Variants in DPH7 observed in about 807,000 individuals in gnomAD.
DPH7 encodes the protein diphthine methyltransferase.
Under a neutral mutation model 41.7 loss-of-function variants are expected in DPH7, and 44 were observed. The observed-to-expected ratio is 1.05, with a 90% CI of 0.83 to 1.36. The LOEUF is 1.36. Ranked by LOEUF, DPH7 falls within the 40% of genes most tolerant of loss-of-function variation. The pLI is 0.00. For synonymous variants in DPH7, 275 were observed against 238.0 expected, an observed-to-expected ratio of 1.16 and a Z score of -1.43; for missense variants, 629 against 577.5, an observed-to-expected ratio of 1.09 and a Z score of -0.91.
chr9:137,560,446 C>T (rs189573949), intron 8 of DPH7, among the ~76,000 whole-genome samples: 5 of 152,204 alleles, frequency 3.3e-5, no homozygotes, highest in South Asian at 2.1e-4. Context: ...GATGGCCAGG[C>T]GTGGTGGCTC....
chr9:137,575,262 G>T, intron 3 of DPH7: 1 of 995,714 alleles, frequency 1.0e-6, no homozygotes, highest in Non-Finnish European at 1.2e-6. Flanking sequence ...AAACTCCTCT[G>T]GTTTCCACTT....
In DPH7 at chr9:137,574,190, C is replaced by G. The variant is rs1313654723; in HGVS notation, c.640+18G>C. The G allele has an allele frequency of 1.2e-6, 2 of 1,610,218 alleles. No individual in the cohort carries two copies. Among genetic ancestry groups the G allele is most frequent in the African/African-American group, 1.3e-5 (1 of 74,890 alleles). On this transcript the variant is annotated intron_variant, in intron 5 of 8. Coordinates refer to ENST00000277540, the MANE Select transcript of DPH7 (RefSeq NM_138778.5). Reference sequence around the variant, plus strand: ...CAGCAAGCCTTCCATCAGAGGTGACCGGTGGAGGAATACTGACCTGAATAC... The same window carrying G: ...CAGCAAGCCTTCCATCAGAGGTGACGGGTGGAGGAATACTGACCTGAATAC...
chr9:137,574,433 C>G (rs1028316124), intron 4 of DPH7, 53 bp from the exon 5 acceptor site: 20 of 1,586,806 alleles, frequency 1.3e-5, no homozygotes, highest in Non-Finnish European at 1.5e-5. Flanking sequence ...TCGTCAGCCT[C>G]TTCTGGTTCC....
intron 1 of DPH7, chr9:137,578,167 G>A (rs565034972): frequency 5.9e-6 from 1 of 168,496 alleles, no homozygotes; most frequent in Non-Finnish European, 1.2e-5. Flanking sequence ...TCAGAAAAAA[G>A]TAATTTCTTT....
At position 137,556,483 on chromosome 9, in the gene DPH7, G is replaced by A. The variant is rs1837523746; in HGVS notation, c.950-835C>T. The A allele has an allele frequency of 4.9e-6, 1 of 203,852 alleles. No homozygotes were observed. The highest frequency in any genetic ancestry group is 1.0e-5 in the Non-Finnish European group (1 of 98,302). 12.6% of individuals were successfully genotyped at this position (203,852 alleles called of 1,614,324 possible). ...GACCGGAATCAGAACCAGAATGAGT[G>A]CTGATGGAAGAAGGGCTGAGGGCAG... is the stretch of plus-strand genomic sequence containing the variant. On this transcript the variant is annotated intron_variant, in intron 8 of 8. Coordinates refer to ENST00000277540, the MANE Select transcript of DPH7 (RefSeq NM_138778.5). This position sits in a 1 kb window ranked among gnomAD's most constrained non-coding sequence, Gnocchi z 5.2.
At chr9:137,570,493 C>CA (rs1465346412) in intron 5 of DPH7, among the ~76,000 whole-genome samples, 1 of 152,242 alleles carries the variant, frequency 6.6e-6, no homozygotes, top group Non-Finnish European at 1.5e-5. Flanking sequence ...TGCCCAATGT[C>CA]AAGTCTCCAG....
chr9:137,575,012 G>A (rs975344981), intron 3 of DPH7, 169 bp from the exon 4 acceptor site: 1 of 1,414,956 alleles, frequency 7.1e-7, no homozygotes, highest in African/African-American at 1.5e-5. Flanking sequence ...CCCTGCTAGG[G>A]GCCCCGAGAA....
rs749158800 is a variant in DPH7 at position 137,555,499 on chromosome 9, G to A, written c.1099C>T (p.Leu367=). The stretch of plus-strand genomic sequence containing the variant: ...GTTGGCAACTCGCTTGCACCCTTCA[G>A]GTCTGCCGTCTTGGTTCCTAGGTTG... ...PSNLGTKTAD[L]KGASELPTPC... is the part of the protein sequence containing the mutation. Residue 367 remains leucine, a synonymous_variant, in exon 9 of 9, where the codon CTG becomes TTG. Coordinates refer to ENST00000277540, the MANE Select transcript of DPH7 (RefSeq NM_138778.5). 1 of 1,613,978 alleles carries A rather than the reference G, an allele frequency of 6.2e-7. No homozygotes were observed. Among genetic ancestry groups the A allele is most frequent in the Non-Finnish European group, 8.5e-7 (1 of 1,180,006 alleles).
chr9:137,574,554 C>T (rs1373516037), intron 4 of DPH7, 174 bp from the exon 5 acceptor site: 12 of 839,062 alleles, frequency 1.4e-5, no homozygotes, highest in Admixed American at 2.7e-5. Flanking sequence ...ACACCAGTGT[C>T]GACTTCTCTA....
At chr9:137,555,679 CACA>C (rs1176448750) in intron 8 of DPH7, 31 bp from the exon 9 acceptor site, 2 of 1,552,522 alleles carry the variant, frequency 1.3e-6, no homozygotes, top group Non-Finnish European at 1.7e-6. Flanking sequence ...ACCCAGGAAA[CACA>C]ACATCACCCA....
rs1454814834 is a variant in DPH7, at chr9:137,554,690, T to C, written c.*549A>G. On this transcript the variant is annotated 3_prime_UTR_variant, in exon 9 of 9. Coordinates refer to ENST00000277540, the MANE Select transcript of DPH7 (RefSeq NM_138778.5). ...CCAGGCCTCAAGCAATCCTCCTGCC[T>C]CAGCCCCTTCCAAAGTGCTGGGATT... 6.6e-6 allele frequency among the ~76,000 whole-genome samples: 1 copy of C among 152,172 alleles called. No homozygotes were observed. The highest frequency in any genetic ancestry group is 1.5e-5 in the Non-Finnish European group (1 of 68,036).
In DPH7 at chr9:137,556,843, T is replaced by C. The variant is rs1374209385; in HGVS notation, c.950-1195A>G. ...TAGGAAAAGGTAATAAGGCAGAGTC[T>C]AAGCCCTCAGAGAGCCACAGCCTGG... On this transcript the variant is annotated intron_variant, in intron 8 of 8. Coordinates refer to ENST00000277540, the MANE Select transcript of DPH7 (RefSeq NM_138778.5). This position sits in a 1 kb window ranked among gnomAD's most constrained non-coding sequence, Gnocchi z 5.2. The C allele has an allele frequency of 2.2e-6, 1 of 456,656 alleles. No individual in the cohort carries two copies. The highest frequency in any genetic ancestry group is 1.5e-5 in the South Asian group (1 of 64,562). The allele number at this position is 456,656 out of a possible 1,614,324, so 28.3% of individuals were successfully genotyped here. A position where few individuals can be genotyped will look rare whatever the true frequency, so the allele number is the denominator to read the frequency against.
intron 8 of DPH7, among the ~76,000 whole-genome samples, chr9:137,558,061 G>A (rs759038006): frequency 3.7e-4 from 56 of 152,006 alleles, no homozygotes; most frequent in Admixed American, 7.2e-4. Context: ...GCTTGAACCC[G>A]GAAGGTGGGA....
At chr9:137,563,699 G>A (rs534125491) in intron 8 of DPH7, among the ~76,000 whole-genome samples, 2 of 152,168 alleles carry the variant, frequency 1.3e-5, no homozygotes, top group Non-Finnish European at 2.9e-5. Flanking sequence ...GGGCTTAATG[G>A]TGGGAAGATG....
chr9:137,575,404 C>T, intron 3 of DPH7: 1 of 988,442 alleles, frequency 1.0e-6, no homozygotes, highest in Non-Finnish European at 1.2e-6. Flanking sequence ...AAAGCCCTTT[C>T]CTGGGTTCAT....
At chr9:137,573,793 C>T (rs554024044) in intron 5 of DPH7, among the ~76,000 whole-genome samples, 46 of 145,342 alleles carry the variant, frequency 3.2e-4, no homozygotes, top group Non-Finnish European at 5.9e-4. Flanking sequence ...AGTGGCCAGG[C>T]GCAGTGGCTC....
chr9:137,568,726 G>C (rs933110897), intron 5 of DPH7, among the ~76,000 whole-genome samples: 9 of 152,146 alleles, frequency 5.9e-5, no homozygotes, highest in African/African-American at 1.9e-4. Context: ...GGGGAAAGAC[G>C]GACGGGAACA....
chr9:137,578,807 C>T lies in DPH7; in HGVS notation c.-30G>A. The T allele has an allele frequency of 2.1e-6, 3 of 1,418,956 alleles. No homozygotes were observed. The highest frequency in any genetic ancestry group is 1.8e-6 in the Non-Finnish European group (2 of 1,082,242). 87.9% of individuals were successfully genotyped at this position (1,418,956 alleles called of 1,614,324 possible). A position where few individuals can be genotyped will look rare whatever the true frequency, so the allele number is the denominator to read the frequency against. On this transcript the variant is annotated 5_prime_UTR_variant, in exon 1 of 9. Coordinates refer to ENST00000277540, the MANE Select transcript of DPH7 (RefSeq NM_138778.5). ...CCCTCGGGGAAGGGCGCGGAGCCGG[C>T]AGTAGAGGCGGGTCGGCGGGGCCGG...
chr9:137,555,662 T>C lies in DPH7; in HGVS notation c.950-14A>G. Reference sequence around the variant, plus strand: ...CCTGCCTCTCCTCTGGAGTGAGAGATGGGAGAACCCAGGAAACACAACATC... The same window carrying C: ...CCTGCCTCTCCTCTGGAGTGAGAGACGGGAGAACCCAGGAAACACAACATC... On this transcript the variant is annotated splice_polypyrimidine_tract_variant and intron_variant, in intron 8 of 8. Transcript: ENST00000277540. 6.4e-7 allele frequency: 1 copy of C among 1,569,272 alleles called. No individual in the cohort carries two copies. Among genetic ancestry groups the C allele is most frequent in the South Asian group, 1.2e-5 (1 of 85,280 alleles).
Sources: allele counts gnomAD v4.1 joint callset (sites outside exome capture counted in the v4.1 genomes callset), GRCh38; gene constraint gnomAD v4.1.1; non-coding constraint Gnocchi (gnomAD v3.1); transcripts MANE v1.5; gene names NCBI Gene and HGNC (gene_info 2026-07-23, HGNC 2026-07-21).